ELMO1: variants seen among roughly 807,000 people sequenced by gnomAD.
The protein encoded by ELMO1 is engulfment and cell motility 1.
In ELMO1, 26 loss-of-function variants were observed where a neutral mutation model predicts 98.9. The observed-to-expected ratio is 0.26, with a 90% CI of 0.19 to 0.36. ELMO1 has a LOEUF of 0.36. ELMO1 is among the 10% of genes least tolerant of loss of function. ELMO1 has a pLI of 1.00. For synonymous variants in ELMO1, 346 were observed against 346.0 expected, an observed-to-expected ratio of 1.00 and a Z score of 0.00; for missense variants, 627 against 935.2, an observed-to-expected ratio of 0.67 and a Z score of 4.30.
intron 1 of ELMO1, among the ~76,000 whole-genome samples, chr7:37,419,946 C>T (rs1057398068): frequency 6.6e-6 from 1 of 152,196 alleles, no homozygotes; most frequent in Non-Finnish European, 1.5e-5. Flanking sequence ...TGCATTTTCC[C>T]TTGCACAAAA....
intron 16 of ELMO1, among the ~76,000 whole-genome samples, chr7:36,937,851 A>T (rs1786681198): frequency 6.6e-6 from 1 of 152,240 alleles, no homozygotes; most frequent in South Asian, 2.1e-4. Context: ...CTACAGCTGA[A>T]GGAAGCTGGA....
chr7:37,037,412 C>G (rs975386319), intron 15 of ELMO1, among the ~76,000 whole-genome samples: 46 of 152,296 alleles, frequency 3.0e-4, no homozygotes, highest in Admixed American at 1.3e-4. Flanking sequence ...GGGTTCCAGC[C>G]AACTCTGTCC....
At chr7:37,173,289 C>G (rs1790292693) in intron 13 of ELMO1, among the ~76,000 whole-genome samples, 1 of 152,188 alleles carries the variant, frequency 6.6e-6, no homozygotes, top group Non-Finnish European at 1.5e-5. Context: ...GCCACCTCTT[C>G]TTATTCATGC....
intron 2 of ELMO1, among the ~76,000 whole-genome samples, chr7:37,316,465 G>A (rs1201895726): frequency 6.6e-6 from 1 of 152,204 alleles, no homozygotes; most frequent in Non-Finnish European, 1.5e-5. Context: ...TTCCCCTGAT[G>A]ATGGCCCCAA....
intron 6 of ELMO1, among the ~76,000 whole-genome samples, chr7:37,252,842 G>A (rs1326177427): frequency 1.3e-5 from 2 of 151,584 alleles, no homozygotes; most frequent in Non-Finnish European, 2.9e-5. Context: ...CTGACAAAGG[G>A]TTAATATCCA....
intron 16 of ELMO1, among the ~76,000 whole-genome samples, chr7:36,902,089 G>A (rs1783609668): frequency 6.6e-6 from 1 of 152,128 alleles, no homozygotes; most frequent in Admixed American, 6.5e-5. Flanking sequence ...CCTTGTCTAG[G>A]GTCCTGTGGG....
chr7:37,385,252 C>A (rs80300554), intron 1 of ELMO1, among the ~76,000 whole-genome samples: 1 of 152,236 alleles, frequency 6.6e-6, no homozygotes, highest in Non-Finnish European at 1.5e-5. Context: ...CACCCTATCA[C>A]GTTTAGAAAA....
chr7:37,158,280 T>C (rs1021308309), intron 13 of ELMO1, among the ~76,000 whole-genome samples: 2 of 152,102 alleles, frequency 1.3e-5, no homozygotes, highest in African/African-American at 4.8e-5. Context: ...CCAAAAGCAA[T>C]GGCAACAAAA....
intron 6 of ELMO1, among the ~76,000 whole-genome samples, chr7:37,253,669 T>C (rs977511172): frequency 2.6e-4 from 39 of 148,392 alleles, no homozygotes; most frequent in Non-Finnish European, 2.1e-4. Flanking sequence ...GGCATGTGTA[T>C]ACCTATGTAG....
chr7:37,213,369 T>C lies in ELMO1; in HGVS notation c.920A>G (p.Asp307Gly), dbSNP rs768905962. Residue 307 changes from aspartate (D) to glycine (G), a missense_variant, in exon 12 of 22, where the codon GAC (aspartate) becomes GGC (glycine). Transcript: ENST00000310758. ...LQVLTFNLLE[D>G]RMMTKMDPQD... ...GGGGTCCATTTTGGTCATCATCCTG[T>C]CTTCCAGGAGGTTAAAGGTGAGCAC... is the stretch of plus-strand genomic sequence containing the variant. 3 of 1,613,002 alleles carry C rather than the reference T, an allele frequency of 1.9e-6. No individual in the cohort carries two copies. The highest frequency in any genetic ancestry group is 2.2e-5 in the East Asian group (1 of 44,874).
At chr7:37,114,897 A>C (rs1785481123) in intron 14 of ELMO1, among the ~76,000 whole-genome samples, 1 of 152,082 alleles carries the variant, frequency 6.6e-6, no homozygotes, top group Admixed American at 6.5e-5. Flanking sequence ...AAAATGATAA[A>C]TTATTAGCAT....
chr7:37,259,880 C>A (rs1238643291), intron 5 of ELMO1, among the ~76,000 whole-genome samples: 1 of 152,204 alleles, frequency 6.6e-6, no homozygotes, highest in Admixed American at 6.5e-5. Flanking sequence ...CAGCACTCCA[C>A]AACGATGCTT....
At chr7:37,164,590 A>G (rs2129640862) in intron 13 of ELMO1, among the ~76,000 whole-genome samples, 1 of 152,362 alleles carries the variant, frequency 6.6e-6, no homozygotes, top group African/African-American at 2.4e-5. Context: ...TTTGTTAAAT[A>G]GGGAATCCTT....
intron 15 of ELMO1, among the ~76,000 whole-genome samples, chr7:37,091,931 T>C (rs1784115607): frequency 6.6e-6 from 1 of 152,108 alleles, no homozygotes; most frequent in African/African-American, 2.4e-5. Flanking sequence ...CACTTACGAT[T>C]TGATTATCTC....
intron 14 of ELMO1, among the ~76,000 whole-genome samples, chr7:37,120,653 T>A (rs962299037): frequency 1.3e-5 from 2 of 152,142 alleles, no homozygotes; most frequent in Non-Finnish European, 2.9e-5. Flanking sequence ...GGAGCCCACC[T>A]CAGCTCAAGG....
chr7:37,049,538 T>A (rs912860381), intron 15 of ELMO1, among the ~76,000 whole-genome samples: 3 of 152,078 alleles, frequency 2.0e-5, no homozygotes, highest in Non-Finnish European at 4.4e-5. Flanking sequence ...GCCTGCTGTA[T>A]CCTTCTCTCT....
At chr7:37,291,805 C>G (rs1312092309) in intron 4 of ELMO1, among the ~76,000 whole-genome samples, 13 of 152,120 alleles carry the variant, frequency 8.5e-5, no homozygotes, top group Admixed American at 7.2e-4. Context: ...GTCCCAGCTA[C>G]TCAGGAGGCT....
chr7:37,064,219 T>A (rs1796828010), intron 15 of ELMO1, among the ~76,000 whole-genome samples: 1 of 152,174 alleles, frequency 6.6e-6, no homozygotes, highest in African/African-American at 2.4e-5. Flanking sequence ...CTGCACAACA[T>A]CATTTCATAA....
chr7:37,059,446 A>G (rs1230083372), intron 15 of ELMO1, among the ~76,000 whole-genome samples: 1 of 152,216 alleles, frequency 6.6e-6, no homozygotes, highest in African/African-American at 2.4e-5. Flanking sequence ...GCATAGTAGA[A>G]ACTATTTTAT....
Sources: gnomAD v4.1 joint callset for allele counts (sites outside exome capture counted in the v4.1 genomes callset) on GRCh38, gnomAD v4.1.1 for gene constraint, MANE v1.5 for transcripts, NCBI Gene and HGNC (gene_info 2026-07-23, HGNC 2026-07-21) for gene names.